Variants in RABEP1 observed in about 807,000 individuals in gnomAD.
RABEP1 encodes rab GTPase-binding effector protein 1.
In RABEP1, 51 loss-of-function variants were observed where a neutral mutation model predicts 123.4. The ratio of observed to expected loss-of-function variants is 0.41; its 90% CI spans 0.33 to 0.52. RABEP1 has a LOEUF of 0.52. Among genes scored for constraint, RABEP1 ranks in the 20% least tolerant of loss-of-function variants. RABEP1 has a pLI of 0.16. For missense variants in RABEP1, 888 were observed against 996.3 expected, an observed-to-expected ratio of 0.89 and a Z score of 1.46; for synonymous variants, 347 against 355.2, an observed-to-expected ratio of 0.98 and a Z score of 0.26.
chr17:5,383,166 C>A lies in RABEP1; in HGVS notation c.2532C>A (p.Ile844=). 1 of 1,614,104 alleles carries A rather than the reference C, an allele frequency of 6.2e-7. No individual in the cohort carries two copies. Among genetic ancestry groups the A allele is most frequent in the Non-Finnish European group, 8.5e-7 (1 of 1,180,004 alleles). Residue 844 remains isoleucine, a synonymous_variant, in exon 18 of 18, where the codon ATC becomes ATA. Transcript: ENST00000537505. ...GGCAAGCTGACTCCTTGGAGAGAAT[C>A]CGGGCAATTCTGAATGATACTAAAC... is the stretch of plus-strand genomic sequence containing the variant. ...RIRQADSLER[I]RAILNDTKLT...
chr17:5,372,559 C>T (rs1910604712), intron 12 of RABEP1, among the ~76,000 whole-genome samples: 1 of 152,202 alleles, frequency 6.6e-6, no homozygotes, highest in Non-Finnish European at 1.5e-5. Flanking sequence ...GATTCCGAGC[C>T]TAAACAGAGG....
Position 5,353,006 on chromosome 17 carries a change from G to A in RABEP1, c.964-1353G>A, listed in dbSNP as rs907599968. Among the ~76,000 whole-genome samples the A allele has an allele frequency of 2.6e-5, 4 of 152,258 alleles. No homozygotes were observed. In the South Asian group the frequency reaches 6.2e-4, roughly 24 times the overall value. The stretch of plus-strand genomic sequence containing the variant: ...TAAGCAGTAGGGACTACAATTATAC[G>A]GTTCCTGTGTTCTAGAATAGTAAAC... On this transcript the variant is annotated intron_variant, in intron 7 of 17. Coordinates refer to ENST00000537505, the MANE Select transcript of RABEP1 (RefSeq NM_004703.6).
At chr17:5,353,159 A>G (rs76754580) in intron 7 of RABEP1, among the ~76,000 whole-genome samples, 1 of 152,092 alleles carries the variant, frequency 6.6e-6, no homozygotes, top group Non-Finnish European at 1.5e-5. Flanking sequence ...TTTCATCCAT[A>G]TAACATTACA....
rs1482049070 is a variant in RABEP1, at chr17:5,380,440, TAAAG to T, written c.2354_2357del (p.Lys785ArgfsTer11). 9.6e-6 allele frequency: 15 copies of T among 1,556,708 alleles called. No homozygotes were observed. The highest frequency in any genetic ancestry group is 1.7e-4 in the Middle Eastern group (1 of 5,992). ...ATAAAGATCAGTTTGGAAGAGCAGT[TAAAG>T]AAAGAGACTGCTGCTAAGGTAGTGT... is the stretch of plus-strand genomic sequence containing the variant. On this transcript the variant is annotated frameshift_variant, in exon 16 of 18. Coordinates refer to ENST00000537505, the MANE Select transcript of RABEP1 (RefSeq NM_004703.6). LOFTEE classifies it high-confidence loss of function.
chr17:5,375,746 G>A (rs1910939358), intron 13 of RABEP1, among the ~76,000 whole-genome samples: 1 of 151,596 alleles, frequency 6.6e-6, no homozygotes, highest in Non-Finnish European at 1.5e-5. Flanking sequence ...GTCTACTTTT[G>A]CTATCAGCTT....
At chr17:5,285,498 C>G (rs1320997136) in intron 1 of RABEP1, among the ~76,000 whole-genome samples, 2 of 152,124 alleles carry the variant, frequency 1.3e-5, no homozygotes, top group Non-Finnish European at 2.9e-5. Flanking sequence ...CTGTTAGTTA[C>G]ACAGACATGC....
In RABEP1 at chr17:5,373,429, A is replaced by G. The variant is rs1322118221; in HGVS notation, c.2000A>G (p.Asp667Gly). 2 of 1,612,348 alleles carry G rather than the reference A, an allele frequency of 1.2e-6. No individual in the cohort carries two copies. Among genetic ancestry groups the G allele is most frequent in the East Asian group, 2.2e-5 (1 of 44,776 alleles). ...SLHVSLQQAE[D>G]FILPDTTEAL... is the part of the protein sequence containing the mutation. ...CATGTGTCATTACAGCAAGCAGAAG[A>G]CTTCATCCTCCCAGACACTACAGAG... Residue 667 changes from aspartate (D) to glycine (G), a missense_variant, in exon 13 of 18, where the codon GAC becomes GGC. By Grantham distance (94) the Asp-to-Gly change is moderately conservative. Coordinates refer to ENST00000537505, the MANE Select transcript of RABEP1 (RefSeq NM_004703.6).
intron 15 of RABEP1, chr17:5,378,545 T>A (rs897290818): frequency 4.3e-5 from 16 of 376,164 alleles, no homozygotes; most frequent in African/African-American, 3.4e-4. Flanking sequence ...TAGAAATATG[T>A]ATAAAAAACA....
intron 7 of RABEP1, among the ~76,000 whole-genome samples, chr17:5,352,356 C>G (rs867327432): frequency 6.6e-6 from 1 of 151,784 alleles, no homozygotes; most frequent in Admixed American, 6.6e-5. Context: ...CCATGCCTGG[C>G]TAACTTTTGT....
intron 1 of RABEP1, among the ~76,000 whole-genome samples, 178 bp downstream of exon 1, chr17:5,282,698 C>CT (rs1334712690): frequency 7.5e-5 from 11 of 147,264 alleles, no homozygotes; most frequent in Admixed American, 4.7e-4. Context: ...GGCGCCCCGG[C>CT]TGCCGTCGCT....
chr17:5,332,830 A>T (rs1597364091), intron 3 of RABEP1, among the ~76,000 whole-genome samples: 2 of 151,202 alleles, frequency 1.3e-5, no homozygotes, highest in African/African-American at 4.9e-5. Flanking sequence ...CTGGTCTTGA[A>T]CTCCTGAGAC....
At chr17:5,372,628 C>T (rs151125899) in intron 12 of RABEP1, among the ~76,000 whole-genome samples, 91 of 152,280 alleles carry the variant, frequency 6.0e-4, no homozygotes, top group Middle Eastern at 6.8e-3. Flanking sequence ...GTCCAGTGCA[C>T]GCCATGGGGA....
intron 1 of RABEP1, among the ~76,000 whole-genome samples, chr17:5,295,388 CAA>C (rs34686821): frequency 1.2e-4 from 15 of 120,398 alleles, no homozygotes; most frequent in South Asian, 2.7e-4. Flanking sequence ...GATTCCGTCT[CAA>C]AAAAAAAAAA....
At chr17:5,298,664 T>TA (rs1473892437) in intron 1 of RABEP1, among the ~76,000 whole-genome samples, 1 of 151,546 alleles carries the variant, frequency 6.6e-6, no homozygotes, top group African/African-American at 2.4e-5. Flanking sequence ...GGATTTTTTT[T>TA]TTTTTTTTTG....
In RABEP1 at chr17:5,361,410, A is replaced by G. The variant is rs1256041823; in HGVS notation, c.1298A>G (p.Asn433Ser). Residue 433 changes from asparagine (N) to serine (S), a missense_variant, in exon 9 of 18, where the codon AAC (asparagine) becomes AGC (serine). Transcript: ENST00000537505. ...GYNYKAKSAG[N>S]LDESDFGPLV... Reference sequence around the variant, plus strand: ...AACTACAAAGCAAAATCTGCTGGAAACCTGGACGAGTCAGATTTTGGACCA... The same window carrying G: ...AACTACAAAGCAAAATCTGCTGGAAGCCTGGACGAGTCAGATTTTGGACCA... 2 of 1,614,114 alleles carry G rather than the reference A, an allele frequency of 1.2e-6. No individual in the cohort carries two copies. The highest frequency in any genetic ancestry group is 1.1e-5 in the South Asian group (1 of 91,066).
At chr17:5,287,582 G>A (rs781308507) in intron 1 of RABEP1, among the ~76,000 whole-genome samples, 75 of 113,910 alleles carry the variant, frequency 6.6e-4, no homozygotes, top group Admixed American at 1.4e-3. Flanking sequence ...CTGGGCAACA[G>A]AGTGAGACTC....
intron 8 of RABEP1, among the ~76,000 whole-genome samples, chr17:5,359,229 A>G (rs1909291592): frequency 6.6e-6 from 1 of 151,876 alleles, no homozygotes; most frequent in South Asian, 2.1e-4. Flanking sequence ...ACCTGCCACC[A>G]CGCCTGGCTA....
Position 5,361,554 on chromosome 17 carries a change from C to T in RABEP1, c.1442C>T (p.Pro481Leu). 6.2e-7 allele frequency: 1 copy of T among 1,614,140 alleles called. No individual in the cohort carries two copies. Among genetic ancestry groups the T allele is most frequent in the Non-Finnish European group, 8.5e-7 (1 of 1,180,024 alleles). ...GAAAGAGCAATCAAGGCGATGACAC[C>T]AGAACAAGAAGAGACAGCGTCCCTC... ...DQERAIKAMTPEQEETASLLS... is the reference protein window; with the variant it reads ...DQERAIKAMTLEQEETASLLS... The change falls in exon 9 of 18, where the codon CCA becomes CTA. Residue 481 changes from proline to leucine, a missense_variant. Physicochemically the swap from Pro to Leu is moderately conservative, Grantham distance 98 (BLOSUM62 -3). Coordinates refer to ENST00000537505, the MANE Select transcript of RABEP1 (RefSeq NM_004703.6).
intron 4 of RABEP1, among the ~76,000 whole-genome samples, chr17:5,336,284 T>C (rs1458696513): frequency 2.6e-5 from 4 of 152,178 alleles, no homozygotes; most frequent in African/African-American, 9.7e-5. Flanking sequence ...TAGAACTGTT[T>C]TTGATTATCT....
Sources: allele counts gnomAD v4.1 joint callset (sites outside exome capture counted in the v4.1 genomes callset), GRCh38; gene constraint gnomAD v4.1.1; transcripts MANE v1.5; gene names NCBI Gene and HGNC (gene_info 2026-07-23, HGNC 2026-07-21).